Variants in MED12L observed in about 807,000 individuals in gnomAD.
MED12L encodes the protein mediator of RNA polymerase II transcription subunit 12-like protein.
A neutral mutation model predicts 281.3 loss-of-function variants in MED12L; 60 were observed. The observed-to-expected ratio is 0.21, with a 90% confidence interval of 0.17 to 0.26. MED12L has a LOEUF of 0.26. MED12L is among the 10% of genes least tolerant of loss of function. The probability of loss-of-function intolerance (pLI) is 1.00; values close to 1 mark genes in which losing one functional copy is unlikely to be tolerated. For missense variants in MED12L, 2,146 were observed against 2,680.9 expected, an observed-to-expected ratio of 0.80 and a Z score of 4.41; for synonymous variants, 974 against 987.2, an observed-to-expected ratio of 0.99 and a Z score of 0.25.
intron 3 of MED12L, among the ~76,000 whole-genome samples, chr3:151,119,182 G>A (rs1040303581): frequency 4.6e-5 from 7 of 152,308 alleles, no homozygotes; most frequent in Admixed American, 1.3e-4. Flanking sequence ...TCATGGTTAT[G>A]TATAAAGAAA....
At chr3:151,147,479 G>A (rs937585443) in intron 5 of MED12L, among the ~76,000 whole-genome samples, 21 of 152,124 alleles carry the variant, frequency 1.4e-4, no homozygotes, top group Admixed American at 9.8e-4. Context: ...GAACATTTTC[G>A]CTACCCCTGA....
Position 151,188,391 on chromosome 3 carries a change from C to CT in MED12L, c.1665dup (p.Ile556TyrfsTer35). On this transcript the variant is annotated frameshift_variant, in exon 13 of 45. Transcript: ENST00000687756. LOFTEE classifies it high-confidence loss of function. ...TCAGAAGTCTTAGATGAGAAGGAGT[C>CT]TATTTCTTCATCCTCTCTTGCTGGA... 1 of 1,610,492 alleles carries CT rather than the reference C, an allele frequency of 6.2e-7. No individual in the cohort carries two copies. The highest frequency in any genetic ancestry group is 8.5e-7 in the Non-Finnish European group (1 of 1,176,886).
chr3:151,290,352 T>C (rs1206820770), intron 16 of MED12L, among the ~76,000 whole-genome samples: 2 of 152,148 alleles, frequency 1.3e-5, no homozygotes, highest in Admixed American at 6.5e-5. Flanking sequence ...AAATCATTTT[T>C]ATAATTTTAG....
chr3:151,427,222 G>A (rs1299674943), intron 43 of MED12L, among the ~76,000 whole-genome samples: 1 of 152,134 alleles, frequency 6.6e-6, no homozygotes, highest in Non-Finnish European at 1.5e-5. Flanking sequence ...TGTAATGTAC[G>A]TGCATGAGAA....
rs971836912 is a variant in MED12L, at chr3:151,436,033, T to G, written c.*3229T>G. ...TTTAATGGGTGTATTTGGACAAAAATAACCCCCTTTTCACATTTTATGATG... is the reference window on the plus strand; with the variant it reads ...TTTAATGGGTGTATTTGGACAAAAAGAACCCCCTTTTCACATTTTATGATG... On this transcript the variant is annotated 3_prime_UTR_variant, in exon 45 of 45. Transcript: ENST00000687756. The G allele has an allele frequency of 6.6e-6, 1 of 152,172 alleles. No individual in the cohort carries two copies. The highest frequency in any genetic ancestry group is 2.4e-5 in the African/African-American group (1 of 41,450). The allele number at this position is 152,172 out of a possible 1,614,324, so 9.4% of individuals were successfully genotyped here. A position where few individuals can be genotyped will look rare whatever the true frequency, so the allele number is the denominator to read the frequency against.
intron 16 of MED12L, among the ~76,000 whole-genome samples, chr3:151,313,807 C>A (rs1315159623): frequency 6.6e-6 from 1 of 151,892 alleles, no homozygotes; most frequent in Admixed American, 6.6e-5. Flanking sequence ...GCCTATAATC[C>A]CAGCCACTTG....
intron 16 of MED12L, among the ~76,000 whole-genome samples, chr3:151,333,072 G>A (rs780072362): frequency 6.6e-5 from 10 of 152,124 alleles, no homozygotes; most frequent in Admixed American, 5.2e-4. Flanking sequence ...CAAAGGACAC[G>A]ATCTCTTTCT....
chr3:151,094,378 G>A (rs1720452055), intron 2 of MED12L, among the ~76,000 whole-genome samples: 2 of 152,142 alleles, frequency 1.3e-5, no homozygotes, highest in South Asian at 2.1e-4. Flanking sequence ...GAGCAGTGAA[G>A]GAAGGGGTGA....
At chr3:151,369,686 T>TCTA in intron 26 of MED12L, 137 bp downstream of exon 26, 1 of 561,046 alleles carries the variant, frequency 1.8e-6, no homozygotes, top group East Asian at 3.0e-5. Flanking sequence ...GAAAAATTAG[T>TCTA]GGTTTCTCCT....
chr3:151,307,968 T>C (rs765992420), intron 16 of MED12L, among the ~76,000 whole-genome samples: 1 of 152,178 alleles, frequency 6.6e-6, no homozygotes, highest in Non-Finnish European at 1.5e-5. Flanking sequence ...TTAAGCATTG[T>C]ACCTCACAGA....
At chr3:151,230,206 C>T (rs1731372405) in intron 16 of MED12L, among the ~76,000 whole-genome samples, 1 of 152,204 alleles carries the variant, frequency 6.6e-6, no homozygotes, top group African/African-American at 2.4e-5. Context: ...GATCTCCTGA[C>T]CTTGTGATCC....
chr3:151,374,225 A>G (rs558407822), intron 27 of MED12L, among the ~76,000 whole-genome samples: 1 of 152,094 alleles, frequency 6.6e-6, no homozygotes, highest in South Asian at 2.1e-4. Context: ...GCTTTGTCAA[A>G]AAATGATTAA....
intron 16 of MED12L, among the ~76,000 whole-genome samples, chr3:151,208,720 A>G (rs1187240950): frequency 1.3e-5 from 2 of 152,114 alleles, no homozygotes; most frequent in African/African-American, 4.8e-5. Context: ...AGTAATATGT[A>G]ATATTGTATG....
chr3:151,187,030 A>G (rs1345718411), intron 12 of MED12L, among the ~76,000 whole-genome samples: 1 of 152,236 alleles, frequency 6.6e-6, no homozygotes, highest in Admixed American at 6.5e-5. Context: ...AGAACATTTT[A>G]TAGACATTTT....
intron 16 of MED12L, among the ~76,000 whole-genome samples, chr3:151,273,987 T>C (rs1398569283): frequency 1.3e-5 from 2 of 152,202 alleles, no homozygotes; most frequent in Non-Finnish European, 2.9e-5. Context: ...CTGGATTTTT[T>C]AAATCGTGTG....
chr3:151,405,935 G>A (rs62285919), intron 39 of MED12L, among the ~76,000 whole-genome samples: 9,409 of 152,216 alleles, frequency 0.062, 431 homozygotes, highest in Middle Eastern at 0.18. Flanking sequence ...ATTTGCCTCT[G>A]GATTTCTTGG....
At chr3:151,359,692 A>G (rs1188768348) in intron 20 of MED12L, among the ~76,000 whole-genome samples, 1 of 152,152 alleles carries the variant, frequency 6.6e-6, no homozygotes, top group Non-Finnish European at 1.5e-5. Flanking sequence ...GATAGTTTCT[A>G]AAGCTTTTTT....
At position 151,377,038 on chromosome 3, in the gene MED12L, A is replaced by C. The variant is rs768989827; in HGVS notation, c.4176A>C (p.Ala1392=). 6.2e-7 allele frequency: 1 copy of C among 1,614,074 alleles called. No individual in the cohort carries two copies. The highest frequency in any genetic ancestry group is 8.5e-7 in the Non-Finnish European group (1 of 1,179,952). The change falls in exon 30 of 45, where the codon GCA becomes GCC. Residue 1392 remains alanine, a synonymous_variant. Coordinates refer to ENST00000687756, the MANE Select transcript of MED12L (RefSeq NM_001393769.1). ...AEMNNLLDNI[A]KATIEVFQQS... is the part of the protein sequence containing the mutation. ...TGAACAACTTACTGGACAATATTGCAAAGGCAACAATAGAGGTATTCCAGC... is the reference window on the plus strand; with the variant it reads ...TGAACAACTTACTGGACAATATTGCCAAGGCAACAATAGAGGTATTCCAGC...
intron 40 of MED12L, among the ~76,000 whole-genome samples, chr3:151,410,789 C>G (rs1226333186): frequency 5.9e-5 from 9 of 152,160 alleles, no homozygotes; most frequent in African/African-American, 2.2e-4. Flanking sequence ...TTACTACACA[C>G]ACATTTATCA....
Sources: gnomAD v4.1 joint callset for allele counts (sites outside exome capture counted in the v4.1 genomes callset) on GRCh38, gnomAD v4.1.1 for gene constraint, MANE v1.5 for transcripts, NCBI Gene and HGNC (gene_info 2026-07-23, HGNC 2026-07-21) for gene names.